HK2: variants seen among roughly 807,000 people sequenced by gnomAD.
HK2 encodes the protein hexokinase-2.
A neutral mutation model predicts 92.9 loss-of-function variants in HK2; 42 were observed. The ratio of observed to expected loss-of-function variants is 0.45; its 90% confidence interval spans 0.35 to 0.58. The LOEUF (loss-of-function observed/expected upper bound fraction) is 0.58, where lower values mean the gene tolerates loss of function less well. HK2 is among the 20% of genes least tolerant of loss of function. The pLI is 0.00. For missense variants in HK2, 978 were observed against 1,245.1 expected (o/e 0.79, Z 3.23); for synonymous variants, 422 against 468.0 (o/e 0.90, Z 1.27).
rs373358408 is a variant in HK2, at chr2:74,864,491, TTTG to T, written c.227-3134_227-3132del. ...GAGGAATAATTTACTGTGTTTCTTC[TTTG>T]TTGTTGTTGTCATTTGTTTGTTTTT... is the stretch of plus-strand genomic sequence containing the variant. On this transcript the variant is annotated intron_variant, in intron 2 of 17. Coordinates refer to ENST00000290573, the MANE Select transcript of HK2 (RefSeq NM_000189.5). Among the ~76,000 whole-genome samples the T allele has an allele frequency of 3.0e-4, 45 of 150,610 alleles. 1 individual carries two copies. Among genetic ancestry groups the T allele is most frequent in the African/African-American group, 1.0e-3 (43 of 41,108 alleles).
rs1573395928 is a variant in HK2, at chr2:74,890,893, G to A, written c.2706G>A (p.Ala902=). The A allele has an allele frequency of 1.9e-6, 3 of 1,614,218 alleles. No individual in the cohort carries two copies. Among genetic ancestry groups the A allele is most frequent in the East Asian group, 2.2e-5 (1 of 44,878 alleles). Residue 902 remains alanine (A), a synonymous_variant, in exon 18 of 18, where the codon GCG becomes GCA. Coordinates refer to ENST00000290573, the MANE Select transcript of HK2 (RefSeq NM_000189.5). The part of the protein sequence containing the change: ...QSEDGSGKGA[A]LITAVACRIR... ...AGGATGGCAGCGGGAAGGGGGCGGCGCTCATCACTGCTGTGGCCTGCCGCA... is the reference window on the plus strand; with the variant it reads ...AGGATGGCAGCGGGAAGGGGGCGGCACTCATCACTGCTGTGGCCTGCCGCA...
intron 12 of HK2, 60 bp downstream of exon 12, chr2:74,882,299 C>G (rs1257191083): frequency 4.3e-6 from 7 of 1,610,062 alleles, no homozygotes; most frequent in Non-Finnish European, 3.4e-6. Context: ...ACAAAACCAG[C>G]CAGGTATGGA....
chr2:74,881,660 CA>C, intron 10 of HK2, 50 bp from the exon 11 acceptor site: 1 of 1,597,136 alleles, frequency 6.3e-7, no homozygotes. Context: ...ACTGTCTCCA[CA>C]TTCCCCATGT....
chr2:74,853,955 C>T (rs1448133759), intron 1 of HK2, among the ~76,000 whole-genome samples: 1 of 152,106 alleles, frequency 6.6e-6, no homozygotes, highest in Non-Finnish European at 1.5e-5. Flanking sequence ...GCTGGGGGAA[C>T]AAGAGATGAG....
rs186198327 is a variant in HK2, at chr2:74,837,738, C to T, written c.63+3095C>T. Among the ~76,000 whole-genome samples, 7 of 146,416 alleles carry T rather than the reference C, an allele frequency of 4.8e-5. No homozygotes were observed. In the East Asian group the frequency reaches 1.4e-3, roughly 29 times the overall value. On this transcript the variant is annotated intron_variant, in intron 1 of 17. Transcript: ENST00000290573. The stretch of plus-strand genomic sequence containing the variant: ...GTCACCAGGCTGGAGTGCAGTGGCG[C>T]TATCTCTGCTTAGTGCAACCTCTGC...
chr2:74,874,402 G>A lies in HK2; in HGVS notation c.828G>A (p.Glu276=), dbSNP rs368905567. Residue 276 remains glutamate (E), a synonymous_variant, in exon 7 of 18, where the codon GAG becomes GAA. Coordinates refer to ENST00000290573, the MANE Select transcript of HK2 (RefSeq NM_000189.5). ...DDGSLNDIRT[E]FDQEIDMGSL... is the part of the protein sequence containing the mutation. ...GCTCGCTCAACGACATTCGCACTGA[G>A]TTTGACCAGGAGATTGACATGGGCT... is the stretch of plus-strand genomic sequence containing the variant. 1 of 1,612,380 alleles carries A rather than the reference G, an allele frequency of 6.2e-7. No homozygotes were observed. Among genetic ancestry groups the A allele is most frequent in the African/African-American group, 1.3e-5 (1 of 74,902 alleles).
chr2:74,839,209 A>G (rs879313732), intron 1 of HK2, among the ~76,000 whole-genome samples: 2 of 152,204 alleles, frequency 1.3e-5, no homozygotes, highest in African/African-American at 2.4e-5. Flanking sequence ...ACAGAAACCC[A>G]GATACTTTTC....
At chr2:74,853,172 G>T (rs1157991808) in intron 1 of HK2, among the ~76,000 whole-genome samples, 1 of 148,928 alleles carries the variant, frequency 6.7e-6, no homozygotes, top group African/African-American at 2.5e-5. Flanking sequence ...GGAAGTTGGG[G>T]AACTGAACCA....
chr2:74,878,729 G>T lies in HK2; in HGVS notation c.1073G>T (p.Arg358Leu), dbSNP rs201385411. Residue 358 changes from arginine (R) to leucine (L), a missense_variant, in exon 9 of 18, where the codon CGG becomes CTG. Physicochemically the swap from Arg to Leu is moderately radical, Grantham distance 102. This residue lies in a region of HK2 where 742 missense variants were observed against 922.5 expected (regional missense o/e 0.80). Transcript: ENST00000290573. ...GIRKAREVLM[R>L]LGLDPTQEDC... ...CGGAAGGCCCGTGAGGTCCTGATGC[G>T]GTTGGGCCTGGACCCGACTCAGGAG... 1 of 1,606,650 alleles carries T rather than the reference G, an allele frequency of 6.2e-7. No homozygotes were observed. Among genetic ancestry groups the T allele is most frequent in the African/African-American group, 1.3e-5 (1 of 74,830 alleles).
intron 7 of HK2, among the ~76,000 whole-genome samples, chr2:74,875,987 C>T (rs1216860739): frequency 2.0e-5 from 3 of 152,226 alleles, no homozygotes; most frequent in Non-Finnish European, 2.9e-5. Flanking sequence ...AAGTAAGTAT[C>T]TTCCAAATGT....
At chr2:74,839,674 T>G (rs1274788863) in intron 1 of HK2, among the ~76,000 whole-genome samples, 1 of 151,398 alleles carries the variant, frequency 6.6e-6, no homozygotes, top group Non-Finnish European at 1.5e-5. Flanking sequence ...TTTTTTTTTT[T>G]GTGAGACAGA....
intron 1 of HK2, among the ~76,000 whole-genome samples, chr2:74,845,152 A>G (rs1050040030): frequency 6.6e-6 from 1 of 152,156 alleles, no homozygotes; most frequent in Admixed American, 6.5e-5. Flanking sequence ...GTAAATCCAT[A>G]TTTTATTAAT....
intron 1 of HK2, among the ~76,000 whole-genome samples, chr2:74,835,512 C>T (rs1249971551): frequency 1.3e-5 from 2 of 152,186 alleles, no homozygotes; most frequent in Non-Finnish European, 2.9e-5. Context: ...CCGCAGCTCC[C>T]TATGGCTGAG....
At chr2:74,857,303 A>G (rs1453096400) in intron 2 of HK2, among the ~76,000 whole-genome samples, 1 of 152,206 alleles carries the variant, frequency 6.6e-6, no homozygotes, top group African/African-American at 2.4e-5. Flanking sequence ...TAGTCTATTC[A>G]CACAAACACT....
rs749350134 is a variant in HK2 at position 74,880,315 on chromosome 2, A to G, written c.1316A>G (p.Asp439Gly). 1 of 1,614,106 alleles carries G rather than the reference A, an allele frequency of 6.2e-7. No individual in the cohort carries two copies. The highest frequency in any genetic ancestry group is 8.5e-7 in the Non-Finnish European group (1 of 1,180,018). The change falls in exon 10 of 18, where the codon GAT becomes GGT. Residue 439 changes from aspartate to glycine, a missense_variant. Coordinates refer to ENST00000290573, the MANE Select transcript of HK2 (RefSeq NM_000189.5). ...GTGCGGCGGCTGGTGCCCGGCTGCG[A>G]TGTCCGCTTCCTCCGCTCCGAGGAT... ...KTVRRLVPGC[D>G]VRFLRSEDGS...
intron 1 of HK2, among the ~76,000 whole-genome samples, chr2:74,841,946 C>T (rs13387771): frequency 6.6e-6 from 1 of 152,238 alleles, no homozygotes; most frequent in African/African-American, 2.4e-5. Flanking sequence ...GAGGGACAGC[C>T]TGACAGTTAC....
At chr2:74,885,243 C>T (rs1049701554) in intron 12 of HK2, among the ~76,000 whole-genome samples, 2 of 152,192 alleles carry the variant, frequency 1.3e-5, no homozygotes, top group African/African-American at 4.8e-5. Context: ...ATAGATGTTC[C>T]ACAAGGGTGC....
chr2:74,874,471 G>A (rs779941000), intron 7 of HK2, 22 bp downstream of exon 7: 25 of 1,577,016 alleles, frequency 1.6e-5, no homozygotes, highest in East Asian at 9.3e-5. Context: ...CTTCCTGTGC[G>A]AGTGGGCTTG....
intron 1 of HK2, among the ~76,000 whole-genome samples, chr2:74,840,649 C>G (rs151213936): frequency 6.8e-6 from 1 of 147,980 alleles, no homozygotes; most frequent in Admixed American, 6.8e-5. Context: ...GGGCGGATCA[C>G]GAGGTCAGGA....
Sources: gnomAD v4.1 joint callset for allele counts (sites outside exome capture counted in the v4.1 genomes callset) on GRCh38, gnomAD v4.1.1 for gene constraint, gnomAD v4.1.1 regional missense constraint, MANE v1.5 for transcripts, NCBI Gene and HGNC (gene_info 2026-07-23, HGNC 2026-07-21) for gene names.